MOXD1: variants seen among roughly 807,000 people sequenced by gnomAD.
MOXD1 encodes DBH-like monooxygenase protein 1.
In MOXD1, 62 loss-of-function variants were observed where a neutral mutation model predicts 66.6. That is an observed-to-expected ratio of 0.93 (90% confidence interval 0.76 to 1.15). The LOEUF is 1.15. Ranked by LOEUF, MOXD1 falls within the 50% of genes most tolerant of loss-of-function variation. The pLI, the probability that MOXD1 is intolerant of heterozygous loss-of-function variation, is 0.00. For missense variants in MOXD1, 847 were observed against 754.6 expected (o/e 1.12, Z -1.44); for synonymous variants, 303 against 281.9 (o/e 1.07, Z -0.75).
chr6:132,300,072 T>C (rs1774498170), intron 10 of MOXD1, among the ~76,000 whole-genome samples: 1 of 152,088 alleles, frequency 6.6e-6, no homozygotes, highest in Non-Finnish European at 1.5e-5. Context: ...AAATAGGTAA[T>C]ATATATAGAT....
chr6:132,313,260 C>T (rs1660946935), intron 10 of MOXD1, among the ~76,000 whole-genome samples: 1 of 152,102 alleles, frequency 6.6e-6, no homozygotes, highest in South Asian at 2.1e-4. Flanking sequence ...CCCTATAAAA[C>T]CGGGATTGCA....
At chr6:132,340,470 G>T (rs1775529369) in intron 4 of MOXD1, among the ~76,000 whole-genome samples, 1 of 147,792 alleles carries the variant, frequency 6.8e-6, no homozygotes, top group Non-Finnish European at 1.5e-5. Flanking sequence ...TTTCTAAATG[G>T]GAAATAGGTT....
intron 4 of MOXD1, among the ~76,000 whole-genome samples, chr6:132,329,518 C>G (rs1775271577): frequency 6.6e-6 from 1 of 152,080 alleles, no homozygotes; most frequent in South Asian, 2.1e-4. Flanking sequence ...TAGTCTCCCT[C>G]TCTTCCACCT....
intron 4 of MOXD1, among the ~76,000 whole-genome samples, chr6:132,354,031 T>C (rs1775860720): frequency 6.6e-6 from 1 of 152,228 alleles, no homozygotes; most frequent in African/African-American, 2.4e-5. Context: ...GTTTGTTCTT[T>C]AACAATCTAT....
At chr6:132,355,085 C>T (rs1203786142) in intron 4 of MOXD1, among the ~76,000 whole-genome samples, 2 of 152,090 alleles carry the variant, frequency 1.3e-5, no homozygotes, top group African/African-American at 4.8e-5. Flanking sequence ...TTCCCAGGTG[C>T]AGAAGAAAAA....
rs575514625 is a variant in MOXD1, at chr6:132,333,325, G to A, written c.664-4731C>T. Among the ~76,000 whole-genome samples, 294 of 117,138 alleles carry A rather than the reference G, an allele frequency of 2.5e-3. 1 individual carries two copies. Among genetic ancestry groups the A allele is most frequent in the Admixed American group, 5.6e-3 (55 of 9,856 alleles). 76.8% of individuals were successfully genotyped at this position (117,138 alleles called of 152,430 possible). On this transcript the variant is annotated intron_variant, in intron 4 of 11. Transcript: ENST00000367963. ...CACTCCAGCCTGGGCTACAGAGTGA[G>A]ACTCCGTCTCAAAAAAAAAAAAAAA...
At chr6:132,400,449 G>A (rs1338790577) in intron 1 of MOXD1, among the ~76,000 whole-genome samples, 1 of 151,388 alleles carries the variant, frequency 6.6e-6, no homozygotes, top group Admixed American at 6.6e-5. Context: ...AAGCACCCAT[G>A]AACAGGCAAG....
At chr6:132,362,326 G>C (rs977561405) in intron 4 of MOXD1, among the ~76,000 whole-genome samples, 3 of 151,906 alleles carry the variant, frequency 2.0e-5, no homozygotes, top group East Asian at 1.9e-4. Context: ...GAATTTTAAG[G>C]GTTAAAGATC....
rs149068804 is a variant in MOXD1 at position 132,400,399 on chromosome 6, C to A, written c.264+764G>T. ...CCACCTAATCATTCTGGTCATCTCA[C>A]AATCTTCTTCTTCCTTTTTTTTTTT... On this transcript the variant is annotated intron_variant, in intron 1 of 11. Transcript: ENST00000367963. 6.6e-5 allele frequency among the ~76,000 whole-genome samples: 10 copies of A among 152,186 alleles called. No homozygotes were observed. In the East Asian group the frequency reaches 1.9e-3, roughly 29 times the overall value.
intron 10 of MOXD1, among the ~76,000 whole-genome samples, chr6:132,300,647 A>G (rs1774510946): frequency 6.6e-6 from 1 of 152,180 alleles, no homozygotes; most frequent in Non-Finnish European, 1.5e-5. Flanking sequence ...TGCTATAATA[A>G]TTTACTAAAT....
At chr6:132,346,643 T>C (rs1193405172) in intron 4 of MOXD1, among the ~76,000 whole-genome samples, 1 of 152,222 alleles carries the variant, frequency 6.6e-6, no homozygotes, top group East Asian at 1.9e-4. Context: ...GAGAAATTTA[T>C]GATAAGTGGT....
At chr6:132,366,748 T>C (rs1776149692) in intron 4 of MOXD1, among the ~76,000 whole-genome samples, 1 of 152,128 alleles carries the variant, frequency 6.6e-6, no homozygotes, top group African/African-American at 2.4e-5. Context: ...TTTGACTGTG[T>C]CTTTTTAAGT....
At position 132,333,191 on chromosome 6, in the gene MOXD1, C is replaced by T. The variant is rs577565573; in HGVS notation, c.664-4597G>A. Among the ~76,000 whole-genome samples the T allele has an allele frequency of 2.0e-4, 30 of 152,076 alleles. No homozygotes were observed. The South Asian group carries it at 6.0e-3, about 31-fold the overall frequency. On this transcript the variant is annotated intron_variant, in intron 4 of 11. Coordinates refer to ENST00000367963, the MANE Select transcript of MOXD1 (RefSeq NM_015529.4). ...CTCTACTAAAAATACAAAAAATTAG[C>T]CAGGCGTGGTAGCGGGCACCTGTAG...
chr6:132,399,169 A>T (rs1482187572), intron 1 of MOXD1, among the ~76,000 whole-genome samples: 12 of 152,162 alleles, frequency 7.9e-5, no homozygotes, highest in Admixed American at 7.9e-4. Context: ...TTTTAAGTTA[A>T]CTGTCTTTCC....
chr6:132,299,892 CTCT>C (rs1774493225), intron 10 of MOXD1, among the ~76,000 whole-genome samples: 10 of 142,654 alleles, frequency 7.0e-5, no homozygotes, highest in African/African-American at 2.3e-4. Context: ...CTCTCTCCCT[CTCT>C]CTCTCTCTCT....
chr6:132,309,000 G>T (rs1774760912), intron 10 of MOXD1, among the ~76,000 whole-genome samples: 1 of 152,154 alleles, frequency 6.6e-6, no homozygotes, highest in African/African-American at 2.4e-5. Context: ...GTTCAACATA[G>T]TATTGGATAT....
At chr6:132,323,108 A>G (rs1462857107) in intron 7 of MOXD1, among the ~76,000 whole-genome samples, 1 of 152,250 alleles carries the variant, frequency 6.6e-6, no homozygotes, top group African/African-American at 2.4e-5. Context: ...CCATTTCTAC[A>G]TGTTATCCTC....
chr6:132,355,944 G>A (rs933081315), intron 4 of MOXD1, among the ~76,000 whole-genome samples: 5 of 152,090 alleles, frequency 3.3e-5, no homozygotes, highest in African/African-American at 4.8e-5. Context: ...AAACAACATG[G>A]CCAACTTGCA....
chr6:132,357,356 A>C (rs890529717), intron 4 of MOXD1, among the ~76,000 whole-genome samples: 5 of 152,146 alleles, frequency 3.3e-5, no homozygotes, highest in Non-Finnish European at 5.9e-5. Context: ...AAAAGAACTT[A>C]GTTCTCTAAC....
Sources: gnomAD v4.1 joint callset for allele counts (sites outside exome capture counted in the v4.1 genomes callset) on GRCh38, gnomAD v4.1.1 for gene constraint, MANE v1.5 for transcripts, NCBI Gene and HGNC (gene_info 2026-07-23, HGNC 2026-07-21) for gene names.